LDB2: variants seen among roughly 807,000 people sequenced by gnomAD.
LDB2 encodes the protein LIM domain-binding protein 2.
LDB2 carries 12 observed loss-of-function variants against 44.3 expected under a neutral mutation model. The observed-to-expected ratio is 0.27, with a 90% CI of 0.17 to 0.44. The LOEUF (loss-of-function observed/expected upper bound fraction) is 0.44. LDB2 is among the 20% of genes least tolerant of loss of function. The probability of loss-of-function intolerance (pLI) is 1.00; values close to 1 mark genes in which losing one functional copy is unlikely to be tolerated. For synonymous variants in LDB2, 164 were observed against 174.8 expected (o/e 0.94, Z 0.49); for missense variants, 344 against 473.5 (o/e 0.73, Z 2.54).
At chr4:16,751,335 C>T (rs768971165) in intron 2 of LDB2, among the ~76,000 whole-genome samples, 2 of 152,186 alleles carry the variant, frequency 1.3e-5, no homozygotes, top group African/African-American at 2.4e-5. Context: ...ATACCTTCAA[C>T]TTGTACCGCA....
chr4:16,696,898 G>C (rs897111259), intron 2 of LDB2, among the ~76,000 whole-genome samples: 1 of 152,086 alleles, frequency 6.6e-6, no homozygotes, highest in South Asian at 2.1e-4. Context: ...GAGTGGTGCC[G>C]GAAGATATAT....
At chr4:16,649,575 G>C (rs1008548295) in intron 2 of LDB2, among the ~76,000 whole-genome samples, 4 of 152,084 alleles carry the variant, frequency 2.6e-5, no homozygotes, top group Non-Finnish European at 5.9e-5. Context: ...AGAAATCTTG[G>C]GAGCTACCGC....
intron 1 of LDB2, among the ~76,000 whole-genome samples, chr4:16,855,881 T>C (rs575649519): frequency 6.6e-6 from 1 of 152,252 alleles, no homozygotes; most frequent in South Asian, 2.1e-4. Context: ...AAATATCCAT[T>C]CAAAGTGCAA....
chr4:16,696,495 G>A (rs998347475), intron 2 of LDB2, among the ~76,000 whole-genome samples: 12 of 152,126 alleles, frequency 7.9e-5, no homozygotes, highest in African/African-American at 2.4e-4. Flanking sequence ...ATCAAAATTA[G>A]TTGTCTCTCC....
intron 2 of LDB2, among the ~76,000 whole-genome samples, chr4:16,653,019 T>C (rs1282914681): frequency 6.6e-6 from 1 of 152,220 alleles, no homozygotes; most frequent in Non-Finnish European, 1.5e-5. Context: ...TGTGGAATTA[T>C]TTCCTCAGAG....
intron 2 of LDB2, among the ~76,000 whole-genome samples, chr4:16,737,110 A>C (rs1020608841): frequency 3.3e-5 from 5 of 152,176 alleles, no homozygotes; most frequent in Non-Finnish European, 5.9e-5. Context: ...GGACTTTCTT[A>C]TGTATTGCTG....
At chr4:16,787,365 C>A (rs552186821) in intron 1 of LDB2, among the ~76,000 whole-genome samples, 1 of 152,268 alleles carries the variant, frequency 6.6e-6, no homozygotes, top group African/African-American at 2.4e-5. Flanking sequence ...GTAATCCCAG[C>A]ATTTTGGGAG....
chr4:16,789,110 G>A lies in LDB2; in HGVS notation c.133-29850C>T, dbSNP rs372301798. On this transcript the variant is annotated intron_variant, in intron 1 of 7. Coordinates refer to ENST00000304523, the MANE Select transcript of LDB2 (RefSeq NM_001290.5). Reference sequence around the variant, plus strand: ...GGTTGGGGGAGGGGGAGCAGGCAGCGGAAAGAGGTGGCCTGAGAAGATGCC... The same window carrying A: ...GGTTGGGGGAGGGGGAGCAGGCAGCAGAAAGAGGTGGCCTGAGAAGATGCC... 6.6e-4 allele frequency among the ~76,000 whole-genome samples: 101 copies of A among 152,220 alleles called. 1 individual carries two copies. Among genetic ancestry groups the A allele is most frequent in the African/African-American group, 2.2e-3 (91 of 41,532 alleles).
intron 1 of LDB2, among the ~76,000 whole-genome samples, chr4:16,895,957 CT>C (rs1724882080): frequency 6.6e-6 from 1 of 151,886 alleles, no homozygotes; most frequent in South Asian, 2.1e-4. Context: ...ATTCTCTCCC[CT>C]TTTCATATGA....
At chr4:16,795,316 C>G (rs1412749364) in intron 1 of LDB2, among the ~76,000 whole-genome samples, 1 of 152,134 alleles carries the variant, frequency 6.6e-6, no homozygotes, top group African/African-American at 2.4e-5. Flanking sequence ...GAGACCCAAT[C>G]ATAAAAGGCC....
intron 3 of LDB2, 63 bp from the exon 4 acceptor site, chr4:16,588,895 C>T (rs933233007): frequency 5.1e-5 from 80 of 1,583,836 alleles, no homozygotes; most frequent in Middle Eastern, 1.7e-4. Context: ...TTTTGTAACT[C>T]ACATAGCCAC....
At chr4:16,619,009 G>A (rs955248763) in intron 2 of LDB2, among the ~76,000 whole-genome samples, 1 of 152,044 alleles carries the variant, frequency 6.6e-6, no homozygotes, top group Non-Finnish European at 1.5e-5. Flanking sequence ...TTCGACTTTC[G>A]CCATGATTGT....
intron 1 of LDB2, among the ~76,000 whole-genome samples, chr4:16,836,814 T>G (rs1430421105): frequency 6.6e-6 from 1 of 152,190 alleles, no homozygotes; most frequent in Admixed American, 6.5e-5. Flanking sequence ...AAAATTTAAA[T>G]AATCACACAC....
intron 1 of LDB2, among the ~76,000 whole-genome samples, chr4:16,879,335 G>A (rs1160042439): frequency 6.6e-6 from 1 of 152,196 alleles, no homozygotes; most frequent in Non-Finnish European, 1.5e-5. Context: ...CTGAGCCAAA[G>A]GATGCCCAGA....
chr4:16,561,164 G>A (rs1206193037), intron 5 of LDB2, among the ~76,000 whole-genome samples: 8 of 152,002 alleles, frequency 5.3e-5, no homozygotes, highest in African/African-American at 1.9e-4. Context: ...GCACAAGACA[G>A]GGATGCCCTC....
rs1764816063 is a variant in LDB2 at position 16,748,511 on chromosome 4, T to A, written c.235+10647A>T. Among the ~76,000 whole-genome samples the A allele has an allele frequency of 2.0e-5, 3 of 152,234 alleles. No individual in the cohort carries two copies. In the South Asian group the frequency reaches 6.2e-4, roughly 31 times the overall value. ...CTCTACATTCTTAATGAAATCCATC[T>A]GAACATTGCTTAATACAGTCGTAGA... On this transcript the variant is annotated intron_variant, in intron 2 of 7. Transcript: ENST00000304523.
At chr4:16,665,962 A>C (rs572909187) in intron 2 of LDB2, among the ~76,000 whole-genome samples, 3 of 152,154 alleles carry the variant, frequency 2.0e-5, no homozygotes, top group African/African-American at 4.8e-5. Context: ...AAGATTGCCT[A>C]CAATACAAGA....
intron 2 of LDB2, among the ~76,000 whole-genome samples, chr4:16,717,533 T>C (rs17428815): frequency 0.46 from 70,201 of 151,868 alleles, 16,711 homozygotes; most frequent in East Asian, 0.78. Flanking sequence ...AAAAATGATC[T>C]CAAACTATGA....
chr4:16,843,550 G>A (rs1443506243), intron 1 of LDB2, among the ~76,000 whole-genome samples: 1 of 152,064 alleles, frequency 6.6e-6, no homozygotes, highest in Non-Finnish European at 1.5e-5. Flanking sequence ...CATTATTAAT[G>A]GCATTATCAA....
Sources: allele counts gnomAD v4.1 joint callset (sites outside exome capture counted in the v4.1 genomes callset), GRCh38; gene constraint gnomAD v4.1.1; transcripts MANE v1.5; gene names NCBI Gene and HGNC (gene_info 2026-07-23, HGNC 2026-07-21).